Variants in COL19A1 observed in about 807,000 individuals in gnomAD.
The protein encoded by COL19A1 is collagen alpha-1(XIX) chain.
COL19A1 carries 159 observed loss-of-function variants against 190.2 expected under a neutral mutation model. That is an observed-to-expected ratio of 0.84 (90% CI 0.73 to 0.95). The LOEUF (loss-of-function observed/expected upper bound fraction) is 0.95. COL19A1 is among the 40% of genes least tolerant of loss of function. The pLI is 0.00. For synonymous variants in COL19A1, 509 were observed against 458.9 expected (o/e 1.11, Z -1.39); for missense variants, 1,418 against 1,431.9 (o/e 0.99, Z 0.16).
chr6:70,017,040 A>C (rs1176916506), intron 11 of COL19A1, among the ~76,000 whole-genome samples: 1 of 152,128 alleles, frequency 6.6e-6, no homozygotes, highest in Non-Finnish European at 1.5e-5. Flanking sequence ...CTGTGTCCAC[A>C]AAAAGATGTT....
chr6:69,927,907 A>C lies in COL19A1; in HGVS notation c.267-2A>C. ...CAAAAGTTCTTTGTTTTCCTCCCAC[A>C]GTAAGATATTTCCCAAAGGCCTTCC... On this transcript the variant is annotated splice_acceptor_variant, in intron 4 of 50. Transcript: ENST00000620364. LOFTEE classifies it high-confidence loss of function. 6.2e-7 allele frequency: 1 copy of C among 1,603,080 alleles called. No homozygotes were observed. Among genetic ancestry groups the C allele is most frequent in the Non-Finnish European group, 8.5e-7 (1 of 1,173,370 alleles).
chr6:70,162,324 A>G (rs1226458957), intron 35 of COL19A1, among the ~76,000 whole-genome samples: 1 of 151,764 alleles, frequency 6.6e-6, no homozygotes, highest in Non-Finnish European at 1.5e-5. Context: ...AAAGGAAAAA[A>G]AAGTGTGCTA....
Position 70,163,509 on chromosome 6 carries a change from T to C in COL19A1, c.2400+113T>C, listed in dbSNP as rs1260023842. ...AAGCAAAGCCTAAAAGTAGAAATGA[T>C]GGTAGAAAGTACCTATTCTTGTAGT... On this transcript the variant is annotated intron_variant, in intron 36 of 50. Transcript: ENST00000620364. The C allele has an allele frequency of 2.4e-5, 22 of 911,230 alleles. No homozygotes were observed. The East Asian group carries it at 5.3e-4, about 22-fold the overall frequency. The allele number at this position is 911,230 out of a possible 1,614,324, so 56.4% of individuals were successfully genotyped here.
chr6:69,872,409 C>T (rs1767895947), intron 1 of COL19A1, among the ~76,000 whole-genome samples: 1 of 151,892 alleles, frequency 6.6e-6, no homozygotes, highest in Admixed American at 6.6e-5. Context: ...TTCTTAATGC[C>T]TATGATTAAT....
At chr6:70,190,443 G>A (rs1766795296) in intron 48 of COL19A1, 62 bp downstream of exon 48, 1 of 1,104,070 alleles carries the variant, frequency 9.1e-7, no homozygotes, top group Non-Finnish European at 1.4e-6. Context: ...ACCTACTATG[G>A]GGAATCCCTC....
intron 41 of COL19A1, among the ~76,000 whole-genome samples, chr6:70,174,508 C>T (rs527513711): frequency 4.6e-5 from 7 of 151,514 alleles, no homozygotes; most frequent in Middle Eastern, 3.4e-3. Flanking sequence ...TGCAGTGAGC[C>T]GAGATCGTGC....
At chr6:70,103,689 C>T (rs1783776972) in intron 16 of COL19A1, among the ~76,000 whole-genome samples, 1 of 152,156 alleles carries the variant, frequency 6.6e-6, no homozygotes, top group African/African-American at 2.4e-5. Flanking sequence ...TCAGCTCAAA[C>T]ATTTCTCCTA....
At chr6:69,997,250 T>G (rs891259338) in intron 11 of COL19A1, among the ~76,000 whole-genome samples, 1 of 152,076 alleles carries the variant, frequency 6.6e-6, no homozygotes, top group Non-Finnish European at 1.5e-5. Flanking sequence ...GGACTTGAGG[T>G]GCTATCACAG....
rs184911209 is a variant in COL19A1 at position 69,901,770 on chromosome 6, T to G, written c.266+1432T>G. Among the ~76,000 whole-genome samples the G allele has an allele frequency of 6.6e-4, 100 of 152,336 alleles. 1 individual carries two copies. The highest frequency in any genetic ancestry group is 1.1e-3 in the Non-Finnish European group (74 of 68,030). On this transcript the variant is annotated intron_variant, in intron 4 of 50. Transcript: ENST00000620364. ...TGTTTAAAAATTAAGATGCATTTTC[T>G]CTCCCCATCTTCTTTCGGATTTAAA... is the stretch of plus-strand genomic sequence containing the variant.
At chr6:70,091,478 T>C (rs979683689) in intron 15 of COL19A1, among the ~76,000 whole-genome samples, 2 of 152,162 alleles carry the variant, frequency 1.3e-5, no homozygotes, top group African/African-American at 4.8e-5. Context: ...AATTAATTTA[T>C]GAACAATTCT....
intron 2 of COL19A1, among the ~76,000 whole-genome samples, chr6:69,883,789 G>A (rs574228873): frequency 6.6e-6 from 1 of 152,312 alleles, no homozygotes; most frequent in African/African-American, 2.4e-5. Flanking sequence ...TGTCCAGAGA[G>A]CAACTAGTCC....
intron 4 of COL19A1, among the ~76,000 whole-genome samples, chr6:69,921,800 G>GTATATTCGTATGTAGATTCGTATA (rs1561999701): frequency 2.8e-5 from 4 of 143,248 alleles, no homozygotes; most frequent in Admixed American, 6.9e-5. Flanking sequence ...ATTCGTATAT[G>GTATATTCGTATGTAGATTCGTATA]TATATTCGTA....
intron 49 of COL19A1, among the ~76,000 whole-genome samples, chr6:70,201,968 T>C (rs599793): frequency 0.13 from 19,449 of 152,180 alleles, 3,090 homozygotes; most frequent in African/African-American, 0.37. Context: ...AAGTTATACA[T>C]GTAACTTATA....
chr6:70,062,307 C>A (rs1001086019), intron 14 of COL19A1, among the ~76,000 whole-genome samples: 12 of 151,972 alleles, frequency 7.9e-5, no homozygotes, highest in African/African-American at 2.2e-4. Context: ...TGAAAGCCAT[C>A]TGATTTAAAA....
rs1490334804 is a variant in COL19A1 at position 70,207,609 on chromosome 6, C to G, written c.*335C>G. 1 of 161,252 alleles carries G rather than the reference C, an allele frequency of 6.2e-6. No individual in the cohort carries two copies. Among genetic ancestry groups the G allele is most frequent in the East Asian group, 1.8e-4 (1 of 5,678 alleles). 10.0% of individuals were successfully genotyped at this position (161,252 alleles called of 1,614,324 possible). ...TGACTTAGTAGACTGATGATGATAT[C>G]CATTTTGTAGACTCATCAACATGTG... On this transcript the variant is annotated 3_prime_UTR_variant, in exon 51 of 51. Coordinates refer to ENST00000620364, the MANE Select transcript of COL19A1 (RefSeq NM_001858.6).
At chr6:70,114,032 G>T (rs1329052201) in intron 16 of COL19A1, among the ~76,000 whole-genome samples, 2 of 151,564 alleles carry the variant, frequency 1.3e-5, no homozygotes, top group African/African-American at 4.8e-5. Flanking sequence ...TTGTATTTTA[G>T]TAGAGACAGA....
intron 11 of COL19A1, among the ~76,000 whole-genome samples, chr6:69,996,825 G>C (rs1776931274): frequency 2.0e-5 from 3 of 151,656 alleles, no homozygotes; most frequent in Middle Eastern, 3.2e-3. Context: ...CCTTTAAATA[G>C]AGTCTGTAAA....
At chr6:70,024,614 TGG>T (rs747928371) in intron 12 of COL19A1, among the ~76,000 whole-genome samples, 12,196 of 142,078 alleles carry the variant, frequency 0.086, 562 homozygotes, top group East Asian at 0.2. Context: ...TGTGTGTGTG[TGG>T]GTGTGTGGGT....
intron 2 of COL19A1, among the ~76,000 whole-genome samples, chr6:69,893,190 G>C (rs9454908): frequency 5.3e-5 from 8 of 152,080 alleles, no homozygotes; most frequent in Non-Finnish European, 1.2e-4. Flanking sequence ...CTTGATATTC[G>C]TGAATGTTTC....
Sources: allele counts gnomAD v4.1 joint callset (sites outside exome capture counted in the v4.1 genomes callset), GRCh38; gene constraint gnomAD v4.1.1; transcripts MANE v1.5; gene names NCBI Gene and HGNC (gene_info 2026-07-23, HGNC 2026-07-21).